Variants in SRPK2 observed in about 807,000 individuals in gnomAD.
SRPK2 encodes SFRS protein kinase 2.
In SRPK2, 21 loss-of-function variants were observed where a neutral mutation model predicts 90.8. The ratio of observed to expected loss-of-function variants is 0.23; its 90% CI spans 0.16 to 0.33. The LOEUF (loss-of-function observed/expected upper bound fraction) is 0.33. SRPK2 is among the 10% of genes least tolerant of loss of function. The pLI is 1.00. For missense variants in SRPK2, 620 were observed against 869.0 expected (o/e 0.71, Z 3.60); for synonymous variants, 288 against 311.1 (o/e 0.93, Z 0.78).
intron 13 of SRPK2, among the ~76,000 whole-genome samples, chr7:105,132,134 G>A (rs899635755): frequency 1.3e-5 from 2 of 152,240 alleles, no homozygotes; most frequent in East Asian, 1.9e-4. Context: ...GGCTTCTGCC[G>A]CCCTGTGGAA....
chr7:105,202,476 A>G (rs182302070), intron 3 of SRPK2, among the ~76,000 whole-genome samples: 1 of 152,352 alleles, frequency 6.6e-6, no homozygotes, highest in Non-Finnish European at 1.5e-5. Context: ...TTAATGTCCA[A>G]ATCAGTAAGT....
chr7:105,211,222 A>C (rs1454888544), intron 2 of SRPK2, among the ~76,000 whole-genome samples: 2 of 152,182 alleles, frequency 1.3e-5, no homozygotes, highest in African/African-American at 4.8e-5. Context: ...GAATTATCAG[A>C]CTTTGGCCTC....
At chr7:105,171,573 T>G (rs1791155437) in intron 3 of SRPK2, among the ~76,000 whole-genome samples, 1 of 152,224 alleles carries the variant, frequency 6.6e-6, no homozygotes, top group Non-Finnish European at 1.5e-5. Context: ...TCTAACCAGA[T>G]CCTTCAATAT....
At chr7:105,305,458 G>A (rs1363346730) in intron 2 of SRPK2, among the ~76,000 whole-genome samples, 1 of 152,098 alleles carries the variant, frequency 6.6e-6, no homozygotes, top group Non-Finnish European at 1.5e-5. Context: ...ATTTTCTGCT[G>A]CCTACTAGTT....
chr7:105,225,944 G>T (rs1209904946), intron 2 of SRPK2, among the ~76,000 whole-genome samples: 6 of 152,178 alleles, frequency 3.9e-5, no homozygotes, highest in African/African-American at 1.4e-4. Flanking sequence ...CTGCTCAACA[G>T]CCACATGCGG....
chr7:105,199,618 A>G (rs1417910136), intron 3 of SRPK2, among the ~76,000 whole-genome samples: 1 of 152,218 alleles, frequency 6.6e-6, no homozygotes, highest in Non-Finnish European at 1.5e-5. Context: ...AGTCAACGCA[A>G]TGAGGATGGG....
At chr7:105,257,896 G>A (rs922715348) in intron 2 of SRPK2, among the ~76,000 whole-genome samples, 1 of 152,084 alleles carries the variant, frequency 6.6e-6, no homozygotes, top group Non-Finnish European at 1.5e-5. Context: ...CAGAGCAAGA[G>A]GTCAGGAGAC....
intron 2 of SRPK2, among the ~76,000 whole-genome samples, chr7:105,293,276 A>G (rs1451479595): frequency 6.6e-6 from 1 of 151,786 alleles, no homozygotes; most frequent in Non-Finnish European, 1.5e-5. Flanking sequence ...CTCCATCTCA[A>G]AAAAAGAAAA....
chr7:105,327,707 G>A (rs1319487074), intron 2 of SRPK2, among the ~76,000 whole-genome samples: 1 of 152,212 alleles, frequency 6.6e-6, no homozygotes, highest in African/African-American at 2.4e-5. Context: ...TTTATAGTAG[G>A]TGCCCAATAT....
chr7:105,368,984 T>C (rs948727702), intron 2 of SRPK2, among the ~76,000 whole-genome samples: 8 of 151,682 alleles, frequency 5.3e-5, no homozygotes, highest in South Asian at 2.1e-4. Flanking sequence ...TCAAACTGTG[T>C]TCTTCAAAGC....
chr7:105,174,704 G>A (rs189280214), intron 3 of SRPK2, among the ~76,000 whole-genome samples: 45 of 152,228 alleles, frequency 3.0e-4, no homozygotes, highest in African/African-American at 1.1e-3. Context: ...GTAAGGATAT[G>A]GAAGATTTGA....
chr7:105,391,073 C>A (rs1381187271), upstream of SRPK2, among the ~76,000 whole-genome samples: 1 of 152,086 alleles, frequency 6.6e-6, no homozygotes, highest in Non-Finnish European at 1.5e-5. Context: ...CAAAGACATG[C>A]AAATGACCAA....
intron 2 of SRPK2, among the ~76,000 whole-genome samples, chr7:105,379,792 C>A (rs545977828): frequency 6.6e-6 from 1 of 152,236 alleles, no homozygotes; most frequent in East Asian, 1.9e-4. Flanking sequence ...GCCCGGCCAA[C>A]ATGGTGAAAC....
At chr7:105,336,860 T>C (rs1815151206) in intron 2 of SRPK2, among the ~76,000 whole-genome samples, 2 of 152,162 alleles carry the variant, frequency 1.3e-5, no homozygotes, top group South Asian at 2.1e-4. Flanking sequence ...TGGAGTGCAA[T>C]GGTGCCATTT....
Position 105,254,686 on chromosome 7 carries a change from T to C in SRPK2, c.72-50901A>G, listed in dbSNP as rs189479643. Among the ~76,000 whole-genome samples the C allele has an allele frequency of 2.5e-3, 382 of 152,052 alleles. 4 individuals carry two copies. The highest frequency in any genetic ancestry group is 3.2e-3 in the Non-Finnish European group (220 of 67,972). ...GCTTGTTTTTTTTTTGTTGTTGTTG[T>C]TGTTATTGTTGTTGTTGTTTTGAGA... On this transcript the variant is annotated intron_variant, in intron 2 of 15. Transcript: ENST00000393651.
At chr7:105,141,364 TGTTACCCA>T (rs1448274339) in intron 11 of SRPK2, among the ~76,000 whole-genome samples, 1 of 152,186 alleles carries the variant, frequency 6.6e-6, no homozygotes, top group Non-Finnish European at 1.5e-5. Context: ...AAACCAGCTG[TGTTACCCA>T]GTTTTCACTT....
intron 2 of SRPK2, among the ~76,000 whole-genome samples, chr7:105,323,875 A>G (rs1325857502): frequency 1.3e-5 from 2 of 152,202 alleles, no homozygotes; most frequent in African/African-American, 4.8e-5. Flanking sequence ...TCTTCCAGAT[A>G]TGAAAGACCA....
intron 2 of SRPK2, among the ~76,000 whole-genome samples, chr7:105,290,598 G>C (rs1808842004): frequency 6.6e-6 from 1 of 152,186 alleles, no homozygotes; most frequent in African/African-American, 2.4e-5. Context: ...GGGAGGCTGA[G>C]GTGGAAGGAT....
chr7:105,162,392 A>G (rs1328324027), intron 6 of SRPK2, among the ~76,000 whole-genome samples: 3 of 152,016 alleles, frequency 2.0e-5, no homozygotes, highest in African/African-American at 7.3e-5. Context: ...CAACTATGAT[A>G]CCTCCAATTT....
Sources: allele counts gnomAD v4.1 joint callset (sites outside exome capture counted in the v4.1 genomes callset), GRCh38; gene constraint gnomAD v4.1.1; transcripts MANE v1.5; gene names NCBI Gene and HGNC (gene_info 2026-07-23, HGNC 2026-07-21).